Variants in BCL11A observed in about 807,000 individuals in gnomAD.
BCL11A encodes BCL11 transcription factor A, also known as B cell CLL/lymphoma 11A.
Under a neutral mutation model 55.9 loss-of-function variants are expected in BCL11A, and 2 were observed. The ratio of observed to expected loss-of-function variants is 0.04; its 90% CI spans 0.01 to 0.11. BCL11A has a LOEUF of 0.11. BCL11A is among the 10% of genes least tolerant of loss of function. The pLI, the probability that BCL11A is intolerant of heterozygous loss-of-function variation, is 1.00. For synonymous variants in BCL11A, 465 were observed against 473.4 expected (o/e 0.98, Z 0.23); for missense variants, 817 against 1,137.1 (o/e 0.72, Z 4.05).
chr2:60,482,281 G>A (rs535936264), intron 2 of BCL11A, among the ~76,000 whole-genome samples: 5 of 152,216 alleles, frequency 3.3e-5, no homozygotes, highest in Admixed American at 6.5e-5. Context: ...TTCACGGAGC[G>A]GACAGAAGGA....
At chr2:60,548,218 C>T (rs1406502341) in intron 1 of BCL11A, among the ~76,000 whole-genome samples, 4 of 151,356 alleles carry the variant, frequency 2.6e-5, no homozygotes, top group African/African-American at 9.7e-5. Context: ...GCATTAGCTA[C>T]AAGTTCTGAG....
downstream of BCL11A, among the ~76,000 whole-genome samples, chr2:60,454,839 G>T (rs925268817): frequency 6.6e-6 from 1 of 152,120 alleles, no homozygotes. Flanking sequence ...CTCACTTCTA[G>T]CATTATGATT....
chr2:60,468,213 G>A (rs1304268642), intron 3 of BCL11A, among the ~76,000 whole-genome samples: 2 of 151,978 alleles, frequency 1.3e-5, no homozygotes, highest in African/African-American at 2.4e-5. Flanking sequence ...CTAAAACCAG[G>A]AGAAAAATTA....
chr2:60,504,259 C>G, intron 2 of BCL11A, among the ~76,000 whole-genome samples: 1 of 152,310 alleles, frequency 6.6e-6, no homozygotes, highest in East Asian at 1.9e-4. Flanking sequence ...CCTACCGGCA[C>G]GCATGCAGGA....
At chr2:60,520,832 T>A (rs898274748) in intron 2 of BCL11A, among the ~76,000 whole-genome samples, 7 of 144,594 alleles carry the variant, frequency 4.8e-5, no homozygotes, top group Admixed American at 2.1e-4. Context: ...AAACCACCCA[T>A]GCCCTTCTCC....
chr2:60,537,876 T>C (rs1415630466), intron 2 of BCL11A: 2 of 152,270 alleles, frequency 1.3e-5, no homozygotes, highest in East Asian at 1.9e-4. Flanking sequence ...AATTCCATTC[T>C]TTATTTTAAT....
chr2:60,549,429 CAG>C (rs982801508), intron 1 of BCL11A, among the ~76,000 whole-genome samples: 1 of 152,186 alleles, frequency 6.6e-6, no homozygotes, highest in Non-Finnish European at 1.5e-5. Context: ...GGCTGAAATT[CAG>C]AGAGGAAAAG....
At chr2:60,550,587 G>T (rs1169288989) in intron 1 of BCL11A, among the ~76,000 whole-genome samples, 5 of 151,998 alleles carry the variant, frequency 3.3e-5, no homozygotes, top group Non-Finnish European at 5.9e-5. Flanking sequence ...ACTGAGGACC[G>T]GGATGGCTCC....
At chr2:60,487,933 G>A (rs1273809665) in intron 2 of BCL11A, among the ~76,000 whole-genome samples, 1 of 152,168 alleles carries the variant, frequency 6.6e-6, no homozygotes, top group Non-Finnish European at 1.5e-5. Context: ...GATAACATCT[G>A]CCACTAAAGG....
chr2:60,451,614 T>G (rs1675726018), exon 5 of BCL11A: 2 of 231,306 alleles, frequency 8.6e-6, no homozygotes, highest in Non-Finnish European at 1.7e-5. Context: ...TAAAGAAGTT[T>G]TATGTTTGTT....
rs1337012474 is a variant in BCL11A at position 60,459,785 on chromosome 2, T to C, written c.*619A>G. 9.6e-7 allele frequency: 1 copy of C among 1,042,846 alleles called. No homozygotes were observed. Among genetic ancestry groups the C allele is most frequent in the East Asian group, 5.8e-5 (1 of 17,306 alleles). 64.6% of individuals were successfully genotyped at this position (1,042,846 alleles called of 1,614,324 possible). A position where few individuals can be genotyped will look rare whatever the true frequency, so the allele number is the denominator to read the frequency against. Reference sequence around the variant, plus strand: ...TTTCCAATTGATACATTTAACCCTTTAGAGACAGACATTTAGCTCATAGAG... The same window carrying C: ...TTTCCAATTGATACATTTAACCCTTCAGAGACAGACATTTAGCTCATAGAG... On this transcript the variant is annotated 3_prime_UTR_variant, in exon 4 of 4. Coordinates refer to ENST00000642384, the MANE Select transcript of BCL11A (RefSeq NM_022893.4).
intron 2 of BCL11A, among the ~76,000 whole-genome samples, chr2:60,520,052 A>T (rs972715888): frequency 6.6e-6 from 1 of 152,158 alleles, no homozygotes; most frequent in Non-Finnish European, 1.5e-5. Context: ...ATGCCTGTGT[A>T]TTTATGCACA....
chr2:60,469,805 G>A (rs974413262), intron 2 of BCL11A, among the ~76,000 whole-genome samples: 1 of 152,198 alleles, frequency 6.6e-6, no homozygotes, highest in Admixed American at 6.5e-5. Flanking sequence ...AACTAACCAT[G>A]TAGCTGTCCA....
chr2:60,508,128 G>A (rs1413888395), intron 2 of BCL11A, among the ~76,000 whole-genome samples: 1 of 152,144 alleles, frequency 6.6e-6, no homozygotes, highest in Admixed American at 6.5e-5. Context: ...AACAAAAGTA[G>A]TTGAGCAACA....
chr2:60,490,996 A>G (rs758423506), intron 2 of BCL11A, among the ~76,000 whole-genome samples: 5 of 152,162 alleles, frequency 3.3e-5, no homozygotes, highest in Admixed American at 1.3e-4. Context: ...ATTAGCATGA[A>G]TATCCACCCT....
In BCL11A at chr2:60,458,119, A is replaced by G; in HGVS notation, c.*2285T>C. 1 of 1,031,292 alleles carries G rather than the reference A, an allele frequency of 9.7e-7. No individual in the cohort carries two copies. The allele number at this position is 1,031,292 out of a possible 1,614,324, so 63.9% of individuals were successfully genotyped here. A position where few individuals can be genotyped will look rare whatever the true frequency, so the allele number is the denominator to read the frequency against. On this transcript the variant is annotated 3_prime_UTR_variant, in exon 4 of 4. Transcript: ENST00000642384. ...TAAAAATACAAGCTTCAATATAAATACTATAGTGCCTAACACTAGATGAAC... is the reference window on the plus strand; with the variant it reads ...TAAAAATACAAGCTTCAATATAAATGCTATAGTGCCTAACACTAGATGAAC...
chr2:60,476,014 G>C (rs1371115884), intron 2 of BCL11A, among the ~76,000 whole-genome samples: 2 of 152,178 alleles, frequency 1.3e-5, no homozygotes, highest in East Asian at 3.9e-4. Flanking sequence ...GAGAAGACTG[G>C]ATTAGATGGG....
rs902067532 is a variant in BCL11A, at chr2:60,458,287, A to G, written c.*2117T>C. The G allele has an allele frequency of 2.0e-6, 2 of 1,013,026 alleles. No individual in the cohort carries two copies. Among genetic ancestry groups the G allele is most frequent in the Non-Finnish European group, 2.4e-6 (2 of 844,490 alleles). The allele number at this position is 1,013,026 out of a possible 1,614,324, so 62.8% of individuals were successfully genotyped here. The stretch of plus-strand genomic sequence containing the variant: ...TCCCCAATGTATGTTTTTTTTTTTT[A>G]CAACCTGAAGAGCGGTGTGTATCCA... On this transcript the variant is annotated 3_prime_UTR_variant, in exon 4 of 4. Transcript: ENST00000642384.
At chr2:60,529,266 T>C (rs1278342606) in intron 2 of BCL11A, among the ~76,000 whole-genome samples, 1 of 152,216 alleles carries the variant, frequency 6.6e-6, no homozygotes, top group Non-Finnish European at 1.5e-5. Flanking sequence ...TGTTTTACCA[T>C]GTGCCCAGCA....
Sources: allele counts gnomAD v4.1 joint callset (sites outside exome capture counted in the v4.1 genomes callset), GRCh38; gene constraint gnomAD v4.1.1; transcripts MANE v1.5; gene names NCBI Gene and HGNC (gene_info 2026-07-23, HGNC 2026-07-21).